UNC5D: variants seen among roughly 807,000 people sequenced by gnomAD.
UNC5D encodes the protein unc-5 netrin receptor D.
UNC5D carries 39 observed loss-of-function variants against 105.4 expected under a neutral mutation model. That is an observed-to-expected ratio of 0.37 (90% confidence interval 0.29 to 0.48). The LOEUF (loss-of-function observed/expected upper bound fraction) is 0.48. Ranked by LOEUF, UNC5D falls within the 20% of genes least tolerant of loss-of-function variation. UNC5D has a pLI of 0.98. For synonymous variants in UNC5D, 452 were observed against 450.4 expected (o/e 1.00, Z -0.04); for missense variants, 991 against 1,202.4 (o/e 0.82, Z 2.60).
rs748035350 is a variant in UNC5D at position 35,597,704 on chromosome 8, C to CT, written c.570+2055dup. Among the ~76,000 whole-genome samples the CT allele has an allele frequency of 4.2e-3, 644 of 152,014 alleles. 4 individuals are homozygous for CT. The highest frequency in any genetic ancestry group is 4.3e-3 in the Non-Finnish European group (294 of 67,992). ...CATACTCTAGGTCTCTATTGATCTA[C>CT]TTTTTTTTCAGATGGAAGATAACTT... On this transcript the variant is annotated intron_variant, in intron 4 of 16. Coordinates refer to ENST00000404895, the MANE Select transcript of UNC5D (RefSeq NM_080872.4).
chr8:35,414,483 G>T (rs911999513), intron 1 of UNC5D, among the ~76,000 whole-genome samples: 1 of 151,930 alleles, frequency 6.6e-6, no homozygotes, highest in African/African-American at 2.4e-5. Context: ...GTCCAATATA[G>T]GTGTTCTAAC....
chr8:35,497,674 A>G (rs890846120), intron 1 of UNC5D, among the ~76,000 whole-genome samples: 2 of 151,848 alleles, frequency 1.3e-5, no homozygotes, highest in Admixed American at 6.6e-5. Flanking sequence ...AGACGGGGGA[A>G]TAATTATGGC....
Position 35,666,957 on chromosome 8 carries a change from A to C in UNC5D, c.571-16590A>C, listed in dbSNP as rs563785980. Among the ~76,000 whole-genome samples the C allele has an allele frequency of 2.9e-3, 446 of 152,266 alleles. 2 individuals are homozygous for C. The highest frequency in any genetic ancestry group is 3.8e-3 in the Non-Finnish European group (261 of 68,008). ...AATAGTTGTCTAACATAACTAGGGGAAGATAGCTGGGAAGGTAAAATGTGG... is the reference window on the plus strand; with the variant it reads ...AATAGTTGTCTAACATAACTAGGGGCAGATAGCTGGGAAGGTAAAATGTGG... On this transcript the variant is annotated intron_variant, in intron 4 of 16. Transcript: ENST00000404895.
chr8:35,418,353 T>G (rs932709431), intron 1 of UNC5D, among the ~76,000 whole-genome samples: 2 of 152,164 alleles, frequency 1.3e-5, no homozygotes, highest in Admixed American at 6.5e-5. Flanking sequence ...ACATTTCATT[T>G]CATTTTAGTT....
At chr8:35,329,400 G>GATATATATATATATATAT (rs36221011) in intron 1 of UNC5D, among the ~76,000 whole-genome samples, 1 of 147,300 alleles carries the variant, frequency 6.8e-6, no homozygotes, top group African/African-American at 2.5e-5. Context: ...TTATTGGGTT[G>GATATATATATATATATAT]ATATATATAT....
chr8:35,709,868 AG>A (rs1827829266), intron 8 of UNC5D, among the ~76,000 whole-genome samples: 2 of 152,158 alleles, frequency 1.3e-5, no homozygotes, highest in Admixed American at 6.5e-5. Context: ...AAAGGAGACC[AG>A]GATGTCTGCA....
intron 2 of UNC5D, among the ~76,000 whole-genome samples, chr8:35,564,400 T>A (rs1817182556): frequency 6.6e-6 from 1 of 152,164 alleles, no homozygotes; most frequent in South Asian, 2.1e-4. Context: ...TTGAAGTCGC[T>A]TTACCTCCTC....
rs116894583 is a variant in UNC5D at position 35,320,768 on chromosome 8, T to G, written c.103+84881T>G. Among the ~76,000 whole-genome samples, 443 of 152,188 alleles carry G rather than the reference T, an allele frequency of 2.9e-3. 3 individuals carry two copies. The highest frequency in any genetic ancestry group is 2.9e-3 in the Non-Finnish European group (197 of 68,008). Reference sequence around the variant, plus strand: ...TAATGAGGCATGTCTGACACCCACTTCCAATCATGGCCTGAATTAGGTTTT... The same window carrying G: ...TAATGAGGCATGTCTGACACCCACTGCCAATCATGGCCTGAATTAGGTTTT... On this transcript the variant is annotated intron_variant, in intron 1 of 16. Coordinates refer to ENST00000404895, the MANE Select transcript of UNC5D (RefSeq NM_080872.4).
intron 16 of UNC5D, among the ~76,000 whole-genome samples, chr8:35,787,210 T>C (rs1395810854): frequency 1.3e-5 from 2 of 152,162 alleles, no homozygotes; most frequent in South Asian, 2.1e-4. Context: ...CTCACAAAGA[T>C]TCTAGTCATT....
chr8:35,658,392 A>T (rs1823900208), intron 4 of UNC5D, among the ~76,000 whole-genome samples: 1 of 152,132 alleles, frequency 6.6e-6, no homozygotes, highest in South Asian at 2.1e-4. Flanking sequence ...TCCTATATGT[A>T]TTGCACCATC....
At chr8:35,688,176 A>G (rs1586438685) in intron 7 of UNC5D, among the ~76,000 whole-genome samples, 2 of 151,544 alleles carry the variant, frequency 1.3e-5, no homozygotes, top group African/African-American at 4.9e-5. Context: ...AAAAACACAC[A>G]CAAGACTGAG....
intron 1 of UNC5D, among the ~76,000 whole-genome samples, chr8:35,307,303 T>C (rs4739400): frequency 0.46 from 69,406 of 151,962 alleles, 16,328 homozygotes; most frequent in East Asian, 0.7. Context: ...ATAATGTCTT[T>C]GTAGTGACTC....
chr8:35,726,061 C>A, intron 9 of UNC5D, 91 bp from the exon 10 acceptor site: 1 of 1,494,272 alleles, frequency 6.7e-7, no homozygotes, highest in Non-Finnish European at 8.9e-7. Flanking sequence ...GGCACCTATG[C>A]AGGCTGTTGC....
intron 1 of UNC5D, among the ~76,000 whole-genome samples, chr8:35,496,112 C>T (rs191795892): frequency 6.6e-6 from 1 of 152,260 alleles, no homozygotes; most frequent in East Asian, 1.9e-4. Context: ...AGGGTTCAGT[C>T]TAAACTGCTT....
intron 1 of UNC5D, among the ~76,000 whole-genome samples, chr8:35,518,113 A>G (rs1195880155): frequency 6.6e-6 from 1 of 152,090 alleles, no homozygotes; most frequent in Non-Finnish European, 1.5e-5. Flanking sequence ...ACTTTTTAAA[A>G]TACTGAAAAA....
intron 1 of UNC5D, among the ~76,000 whole-genome samples, chr8:35,328,752 G>A (rs1169715647): frequency 6.6e-6 from 1 of 152,186 alleles, no homozygotes; most frequent in African/African-American, 2.4e-5. Flanking sequence ...TTCCAAGGCA[G>A]TCAGTCCGCG....
At chr8:35,625,737 G>T (rs1435648648) in intron 4 of UNC5D, among the ~76,000 whole-genome samples, 2 of 152,148 alleles carry the variant, frequency 1.3e-5, no homozygotes, top group African/African-American at 4.8e-5. Context: ...TTTTATGTGT[G>T]CCTAGAATAT....
At chr8:35,638,461 T>C (rs1029148304) in intron 4 of UNC5D, among the ~76,000 whole-genome samples, 2 of 151,990 alleles carry the variant, frequency 1.3e-5, no homozygotes, top group African/African-American at 4.8e-5. Flanking sequence ...ACTTTTTTTA[T>C]GTGTAGTTGT....
chr8:35,600,432 G>C (rs1819786764), intron 4 of UNC5D, among the ~76,000 whole-genome samples: 1 of 152,170 alleles, frequency 6.6e-6, no homozygotes, highest in Admixed American at 6.5e-5. Flanking sequence ...GTGTAAAACT[G>C]TTCCTATTTC....
Sources: gnomAD v4.1 joint callset for allele counts (sites outside exome capture counted in the v4.1 genomes callset) on GRCh38, gnomAD v4.1.1 for gene constraint, MANE v1.5 for transcripts, NCBI Gene and HGNC (gene_info 2026-07-23, HGNC 2026-07-21) for gene names.